The following CALN1 variants were observed in gnomAD, a reference collection of about 807,000 sequenced individuals.
The protein encoded by CALN1 is calcium-binding protein 8.
Under a neutral mutation model 30.6 loss-of-function variants are expected in CALN1, and 17 were observed. The ratio of observed to expected loss-of-function variants is 0.56; its 90% confidence interval spans 0.38 to 0.83. CALN1 has a LOEUF of 0.83. Among genes scored for constraint, CALN1 ranks in the 40% least tolerant of loss-of-function variants. The probability of loss-of-function intolerance (pLI) is 0.00; values close to 1 mark genes in which losing one functional copy is unlikely to be tolerated. For synonymous variants in CALN1, 156 were observed against 131.4 expected (o/e 1.19, Z -1.28); for missense variants, 291 against 354.9 (o/e 0.82, Z 1.45).
At chr7:72,328,158 G>C (rs1054791814) in intron 2 of CALN1, among the ~76,000 whole-genome samples, 1 of 151,808 alleles carries the variant, frequency 6.6e-6, no homozygotes. Context: ...AATGTCTTAA[G>C]CACAAAACAG....
intron 5 of CALN1, among the ~76,000 whole-genome samples, chr7:71,951,306 A>G (rs1439536222): frequency 4.6e-5 from 7 of 152,212 alleles, no homozygotes; most frequent in Middle Eastern, 3.2e-3. Flanking sequence ...AGAATAGCAG[A>G]AACGGCCGGG....
At chr7:72,174,744 G>A (rs986707128) in intron 3 of CALN1, among the ~76,000 whole-genome samples, 3 of 152,216 alleles carry the variant, frequency 2.0e-5, no homozygotes, top group Non-Finnish European at 4.4e-5. Context: ...GGACAGGGAG[G>A]TGACAACATG....
At chr7:72,499,697 A>C in the CALN1 span, among the ~76,000 whole-genome samples, 1 of 152,120 alleles carries the variant, frequency 6.6e-6, no homozygotes, top group Non-Finnish European at 1.5e-5. Flanking sequence ...AATATAAAAG[A>C]ATCTATAAAA....
chr7:72,480,583 C>T, the CALN1 span, among the ~76,000 whole-genome samples: 13 of 151,990 alleles, frequency 8.6e-5, no homozygotes, highest in Non-Finnish European at 1.6e-4. Context: ...TTCATTAATT[C>T]AGAATTCCGT....
chr7:72,223,492 G>C (rs1793450480), intron 3 of CALN1, among the ~76,000 whole-genome samples: 1 of 152,144 alleles, frequency 6.6e-6, no homozygotes, highest in Admixed American at 6.5e-5. Flanking sequence ...CTCAATGCTA[G>C]TGAACTGGAG....
At chr7:72,177,294 A>G (rs1789424612) in intron 3 of CALN1, among the ~76,000 whole-genome samples, 2 of 152,190 alleles carry the variant, frequency 1.3e-5, no homozygotes, top group Admixed American at 1.3e-4. Context: ...AGGAGGAGAC[A>G]GATTTAAGGA....
chr7:72,140,284 G>T (rs1809809323), intron 3 of CALN1, among the ~76,000 whole-genome samples: 1 of 134,590 alleles, frequency 7.4e-6, no homozygotes, highest in African/African-American at 2.8e-5. Context: ...ATAAGAGAGA[G>T]AGAGAGAGAG....
intron 3 of CALN1, among the ~76,000 whole-genome samples, chr7:72,191,586 AGAGGAAGAAAG>A (rs1221401453): frequency 6.2e-5 from 9 of 144,856 alleles, no homozygotes; most frequent in East Asian, 2.2e-4. Flanking sequence ...AAAGAATGGC[AGAGGAAGAAAG>A]GAGGAAGAGA....
chr7:72,372,915 G>A (rs1315024382), intron 2 of CALN1, among the ~76,000 whole-genome samples: 1 of 152,140 alleles, frequency 6.6e-6, no homozygotes, highest in Admixed American at 6.5e-5. Context: ...ACCAACACAT[G>A]GGATGCCAAA....
intron 4 of CALN1, among the ~76,000 whole-genome samples, chr7:72,066,705 T>C (rs111248989): frequency 3.3e-5 from 5 of 152,094 alleles, no homozygotes; most frequent in African/African-American, 9.6e-5. Context: ...CTTGAACTCC[T>C]TGGCTCAAGT....
chr7:72,500,269 C>CTTTTT, the CALN1 span, among the ~76,000 whole-genome samples: 520 of 51,380 alleles, frequency 0.01, 122 homozygotes, highest in East Asian at 0.051. Flanking sequence ...TTCGTTCCTT[C>CTTTTT]TTTTTTTTTT....
chr7:72,309,201 T>C (rs985764628), intron 2 of CALN1, among the ~76,000 whole-genome samples: 19 of 152,186 alleles, frequency 1.2e-4, no homozygotes, highest in African/African-American at 4.1e-4. Context: ...AGGGAGACTA[T>C]TCAGAACTCA....
chr7:71,897,195 T>C (rs931320347), intron 5 of CALN1, among the ~76,000 whole-genome samples: 1 of 152,214 alleles, frequency 6.6e-6, no homozygotes, highest in African/African-American at 2.4e-5. Flanking sequence ...AGGCCTTTCG[T>C]TGTGAATTCC....
At chr7:71,869,400 C>T (rs760385417) in intron 5 of CALN1, among the ~76,000 whole-genome samples, 6 of 152,020 alleles carry the variant, frequency 3.9e-5, no homozygotes, top group Non-Finnish European at 2.9e-5. Flanking sequence ...TTAGTAGAAA[C>T]GGTGTTTCAC....
At chr7:72,335,408 T>A (rs776988129) in intron 2 of CALN1, among the ~76,000 whole-genome samples, 4 of 152,214 alleles carry the variant, frequency 2.6e-5, no homozygotes, top group Non-Finnish European at 5.9e-5. Context: ...GAATGTTGCG[T>A]GTGTCTCAAC....
chr7:72,161,769 G>A (rs1198921043), intron 3 of CALN1, among the ~76,000 whole-genome samples: 1 of 151,992 alleles, frequency 6.6e-6, no homozygotes, highest in Non-Finnish European at 1.5e-5. Flanking sequence ...CCTGTAGGGG[G>A]CAGTGGCGGG....
At chr7:72,338,771 A>C (rs1408719989) in intron 2 of CALN1, among the ~76,000 whole-genome samples, 1 of 152,122 alleles carries the variant, frequency 6.6e-6, no homozygotes, top group Non-Finnish European at 1.5e-5. Flanking sequence ...AGAACCGGGT[A>C]GCATTCCCTC....
intron 4 of CALN1, among the ~76,000 whole-genome samples, chr7:72,024,090 A>G (rs910269319): frequency 1.3e-5 from 2 of 152,196 alleles, no homozygotes; most frequent in South Asian, 4.1e-4. Flanking sequence ...CCAGTTGTAC[A>G]TGATGGAAGT....
chr7:71,912,400 T>C (rs1420893808), intron 5 of CALN1, among the ~76,000 whole-genome samples: 1 of 152,128 alleles, frequency 6.6e-6, no homozygotes, highest in Non-Finnish European at 1.5e-5. Context: ...GGATCTCAAG[T>C]GTTTCCAATG....
Sources: gnomAD v4.1 joint callset for allele counts (sites outside exome capture counted in the v4.1 genomes callset) on GRCh38, gnomAD v4.1.1 for gene constraint, MANE v1.5 for transcripts, NCBI Gene and HGNC (gene_info 2026-07-23, HGNC 2026-07-21) for gene names.